Variants in ANXA1 observed in about 807,000 individuals in gnomAD.
ANXA1 encodes the protein annexin I (lipocortin I).
In ANXA1, 39 loss-of-function variants were observed where a neutral mutation model predicts 47.9. That is an observed-to-expected ratio of 0.81 (90% CI 0.63 to 1.06). ANXA1 has a LOEUF of 1.06. Among genes scored for constraint, ANXA1 ranks in the 50% least tolerant of loss-of-function variants. ANXA1 has a pLI of 0.00. For synonymous variants in ANXA1, 146 were observed against 142.5 expected (o/e 1.02, Z -0.17); for missense variants, 446 against 422.7 (o/e 1.06, Z -0.48).
At chr9:73,166,339 C>T (rs181436783) in intron 10 of ANXA1, 147 bp downstream of exon 10, 22 of 602,252 alleles carry the variant, frequency 3.7e-5, no homozygotes, top group Middle Eastern at 3.0e-4. Flanking sequence ...ATTGAAGCAA[C>T]GTAAAAGATT....
chr9:73,162,701 T>C, intron 6 of ANXA1, 81 bp from the exon 7 acceptor site: 4 of 1,073,600 alleles, frequency 3.7e-6, no homozygotes, highest in Non-Finnish European at 5.4e-6. Context: ...CTGTGAATTT[T>C]CAACCAACTT....
At chr9:73,168,028 CACTTTA>C (rs1056220631) in intron 11 of ANXA1, 1 of 154,946 alleles carries the variant, frequency 6.5e-6, no homozygotes, top group Non-Finnish European at 1.4e-5. Flanking sequence ...TCAACTATGT[CACTTTA>C]ACTTTACTGT....
chr9:73,162,643 A>G (rs1384303600), intron 6 of ANXA1, 139 bp from the exon 7 acceptor site: 2 of 514,248 alleles, frequency 3.9e-6, no homozygotes, highest in Non-Finnish European at 6.6e-6. Context: ...TTATTTAAAA[A>G]TGATAATATT....
chr9:73,160,231 G>A lies in ANXA1; in HGVS notation c.271-32G>A. On this transcript the variant is annotated intron_variant, in intron 4 of 12. Coordinates refer to ENST00000257497, the MANE Select transcript of ANXA1 (RefSeq NM_000700.3). ...TTTTTAACCTAGCATGTTACTTATT[G>A]GAAGTCCTGATTCTAATCTTTTTTT... The A allele has an allele frequency of 2.1e-6, 3 of 1,451,498 alleles. No individual in the cohort carries two copies. The South Asian group carries it at 3.8e-5, about 19-fold the overall frequency. The allele number at this position is 1,451,498 out of a possible 1,614,324, so 89.9% of individuals were successfully genotyped here. A position where few individuals can be genotyped will look rare whatever the true frequency, so the allele number is the denominator to read the frequency against.
chr9:73,162,757 A>G (rs769420465), intron 6 of ANXA1, 25 bp from the exon 7 acceptor site: 4 of 1,566,386 alleles, frequency 2.6e-6, no homozygotes, highest in South Asian at 2.3e-5. Flanking sequence ...GGTTTACTAT[A>G]AAATCTATTT....
At chr9:73,165,449 T>G (rs986655625) in intron 9 of ANXA1, 3 of 343,532 alleles carry the variant, frequency 8.7e-6, no homozygotes, top group Non-Finnish European at 1.1e-5. Context: ...TTATTTTCAC[T>G]GCTTTTACTC....
intron 5 of ANXA1, 103 bp downstream of exon 5, chr9:73,160,479 C>A: frequency 1.4e-6 from 1 of 717,838 alleles, no homozygotes; most frequent in Non-Finnish European, 2.2e-6. Context: ...ACCTGTCAAT[C>A]AGTGGGAGTT....
intron 10 of ANXA1, 103 bp downstream of exon 10, chr9:73,166,295 AC>A (rs983459850): frequency 1.4e-5 from 11 of 805,918 alleles, no homozygotes; most frequent in Non-Finnish European, 2.1e-5. Context: ...ATAAAAGAAA[AC>A]AAAAAACAAT....
chr9:73,163,398 T>A, intron 7 of ANXA1, 78 bp from the exon 8 acceptor site: 3 of 1,379,296 alleles, frequency 2.2e-6, no homozygotes, highest in Non-Finnish European at 2.0e-6. Context: ...ATATTATTTA[T>A]CTGAGTTTAA....
intron 4 of ANXA1, 176 bp downstream of exon 4, chr9:73,159,599 T>G (rs1824105413): frequency 2.1e-5 from 11 of 513,230 alleles, no homozygotes; most frequent in Non-Finnish European, 3.4e-6. Context: ...TTTATCAAAT[T>G]TCCTATTTTT....
chr9:73,165,309 A>G, intron 9 of ANXA1, 100 bp downstream of exon 9: 1 of 868,684 alleles, frequency 1.2e-6, no homozygotes, highest in East Asian at 2.7e-5. Context: ...CTTTTTCAAT[A>G]TCACTCCTGT....
chr9:73,159,004 C>T (rs1443718537), intron 3 of ANXA1, among the ~76,000 whole-genome samples: 1 of 152,168 alleles, frequency 6.6e-6, no homozygotes, highest in Non-Finnish European at 1.5e-5. Context: ...ATTGTTACAG[C>T]AGATATTACT....
Position 73,160,677 on chromosome 9 carries a change from T to C in ANXA1, c.385-126T>C, listed in dbSNP as rs1264100986. On this transcript the variant is annotated intron_variant, in intron 5 of 12. Transcript: ENST00000257497. Reference sequence around the variant, plus strand: ...AATGTAATAGAGCTTATTGTAATTATTAAATGTTGTGGGTGAAATTTACTA... The same window carrying C: ...AATGTAATAGAGCTTATTGTAATTACTAAATGTTGTGGGTGAAATTTACTA... 5.8e-6 allele frequency: 4 copies of C among 693,752 alleles called. No homozygotes were observed. In the South Asian group the frequency reaches 7.3e-5, roughly 13 times the overall value. The allele number at this position is 693,752 out of a possible 1,614,324, so 43.0% of individuals were successfully genotyped here. A position where few individuals can be genotyped will look rare whatever the true frequency, so the allele number is the denominator to read the frequency against.
intron 5 of ANXA1, 33 bp from the exon 6 acceptor site, chr9:73,160,770 C>T (rs763693610): frequency 6.5e-6 from 10 of 1,529,918 alleles, no homozygotes; most frequent in Admixed American, 1.8e-5. Context: ...AGATTTTTTT[C>T]TACATTTATC....
chr9:73,162,757 A>C (rs769420465), intron 6 of ANXA1, 25 bp from the exon 7 acceptor site: 1 of 1,566,268 alleles, frequency 6.4e-7, no homozygotes, highest in Non-Finnish European at 8.8e-7. Flanking sequence ...GGTTTACTAT[A>C]AAATCTATTT....
chr9:73,152,951 G>A (rs771275895), intron 1 of ANXA1, among the ~76,000 whole-genome samples: 1 of 152,068 alleles, frequency 6.6e-6, no homozygotes, highest in Non-Finnish European at 1.5e-5. Context: ...TCTTGCCTTG[G>A]TTATATCTAA....
intron 7 of ANXA1, 83 bp downstream of exon 7, chr9:73,162,944 A>G (rs1163786832): frequency 6.5e-6 from 7 of 1,084,682 alleles, no homozygotes; most frequent in Non-Finnish European, 9.6e-6. Flanking sequence ...ATAAGGGAAT[A>G]TCTGAGGCTA....
At chr9:73,167,390 G>A in intron 10 of ANXA1, 107 bp from the exon 11 acceptor site, 1 of 941,564 alleles carries the variant, frequency 1.1e-6, no homozygotes, top group Non-Finnish European at 1.7e-6. Flanking sequence ...GAATGATGAT[G>A]AGGGATAGAA....
chr9:73,158,915 A>G (rs1013534971), intron 3 of ANXA1, 112 bp downstream of exon 3: 2 of 916,780 alleles, frequency 2.2e-6, no homozygotes, highest in South Asian at 1.6e-5. Flanking sequence ...TTTTGAAGAT[A>G]AAAACATTTC....
Sources: allele counts gnomAD v4.1 joint callset (sites outside exome capture counted in the v4.1 genomes callset), GRCh38; gene constraint gnomAD v4.1.1; transcripts MANE v1.5; gene names NCBI Gene and HGNC (gene_info 2026-07-23, HGNC 2026-07-21).